Variants in USP2 observed in about 807,000 individuals in gnomAD.
The protein encoded by USP2 is ubiquitin carboxyl-terminal hydrolase 2.
A neutral mutation model predicts 72.0 loss-of-function variants in USP2; 33 were observed. That is an observed-to-expected ratio of 0.46 (90% CI 0.35 to 0.61). USP2 has a LOEUF of 0.61. USP2 is among the 20% of genes least tolerant of loss of function. USP2 has a pLI of 0.01. For synonymous variants in USP2, 296 were observed against 312.5 expected, an observed-to-expected ratio of 0.95 and a Z score of 0.56; for missense variants, 691 against 797.8, an observed-to-expected ratio of 0.87 and a Z score of 1.61.
chr11:119,365,003 T>C (rs963100528), intron 2 of USP2, among the ~76,000 whole-genome samples: 1 of 152,212 alleles, frequency 6.6e-6, no homozygotes, highest in African/African-American at 2.4e-5. Context: ...AGTGTTCTAC[T>C]CTGGCGTCAA....
In USP2 at chr11:119,357,137, G is replaced by C. The variant is rs758125226; in HGVS notation, c.1730+50C>G. 77 of 1,600,102 alleles carry C rather than the reference G, an allele frequency of 4.8e-5. 1 individual carries two copies. The highest frequency in any genetic ancestry group is 5.6e-5 in the Non-Finnish European group (66 of 1,173,510). ...TTGGGGGGAGGGTGGAGGAGTGGGG[G>C]GAGAGTGGGTGGCTACAGCCAGGGG... On this transcript the variant is annotated intron_variant, in intron 12 of 12. Transcript: ENST00000260187.
At position 119,355,225 on chromosome 11, in the gene USP2, A is replaced by G. The variant is rs1309663514; in HGVS notation, c.*1610T>C. On this transcript the variant is annotated 3_prime_UTR_variant, in exon 13 of 13. Coordinates refer to ENST00000260187, the MANE Select transcript of USP2 (RefSeq NM_004205.5). ...CCAACATCTGCCAACTGATTTCTCA[A>G]AGCTATTATTTATTCTGTACAAGGT... 2.0e-5 allele frequency: 3 copies of G among 152,184 alleles called. No individual in the cohort carries two copies. Among genetic ancestry groups the G allele is most frequent in the African/African-American group, 4.8e-5 (2 of 41,432 alleles). 9.4% of individuals were successfully genotyped at this position (152,184 alleles called of 1,614,324 possible).
At chr11:119,356,956 G>A (rs1458644580) in intron 12 of USP2, 34 bp from the exon 13 acceptor site, 1 of 1,547,428 alleles carries the variant, frequency 6.5e-7, no homozygotes, top group Non-Finnish European at 8.7e-7. Flanking sequence ...CCCGGAGCGG[G>A]CAGGACCGGG....
At chr11:119,361,383 CT>C (rs1565306027) in intron 2 of USP2, among the ~76,000 whole-genome samples, 2 of 152,188 alleles carry the variant, frequency 1.3e-5, no homozygotes, top group African/African-American at 4.8e-5. Flanking sequence ...GTCAGAAAAC[CT>C]TCAGGCTCAA....
In USP2 at chr11:119,381,553, G is replaced by C; in HGVS notation, c.-122C>G. 2 of 1,536,020 alleles carry C rather than the reference G, an allele frequency of 1.3e-6. No homozygotes were observed. The highest frequency in any genetic ancestry group is 1.7e-6 in the Non-Finnish European group (2 of 1,146,826). ...GTGAGTCCCGGCTGGCGCTGGCGCG[G>C]CGCAGTGAGCACCAGCTGACGAAGA... is the stretch of plus-strand genomic sequence containing the variant. On this transcript the variant is annotated 5_prime_UTR_variant, in exon 1 of 13. Transcript: ENST00000260187.
chr11:119,369,321 T>TGCTCAG (rs1011028479), intron 2 of USP2, among the ~76,000 whole-genome samples: 2 of 148,686 alleles, frequency 1.3e-5, no homozygotes, highest in African/African-American at 4.9e-5. Flanking sequence ...TCTGTGCTCA[T>TGCTCAG]GCTCAGCTGA....
chr11:119,364,503 C>T (rs1950823942), intron 2 of USP2, among the ~76,000 whole-genome samples: 1 of 152,186 alleles, frequency 6.6e-6, no homozygotes. Context: ...CCGCAGAGGA[C>T]GTCTCCCCAA....
At chr11:119,376,771 C>G (rs1330223107) in intron 1 of USP2, among the ~76,000 whole-genome samples, 1 of 152,268 alleles carries the variant, frequency 6.6e-6, no homozygotes, top group African/African-American at 2.4e-5. Context: ...CTGAACCAGG[C>G]CCCAGGCATG....
Position 119,357,532 on chromosome 11 carries a change from G to A in USP2, c.1560C>T (p.Asn520=). The A allele has an allele frequency of 6.2e-7, 1 of 1,614,192 alleles. No individual in the cohort carries two copies. Among genetic ancestry groups the A allele is most frequent in the South Asian group, 1.1e-5 (1 of 91,090 alleles). Residue 520 remains asparagine, a synonymous_variant, in exon 11 of 13, where the codon AAC becomes AAT. Coordinates refer to ENST00000260187, the MANE Select transcript of USP2 (RefSeq NM_004205.5). ...IRTSKLTTFV[N]FPLRDLDLRE... is the part of the protein sequence containing the mutation. ...TTAAGTCCAGGTCTCTTAGGGGGAAGTTCACAAATGTTGTGAGCTTGCTGG... is the reference window on the plus strand; with the variant it reads ...TTAAGTCCAGGTCTCTTAGGGGGAAATTCACAAATGTTGTGAGCTTGCTGG...
intron 1 of USP2, among the ~76,000 whole-genome samples, chr11:119,375,582 G>A (rs1015400657): frequency 2.6e-5 from 4 of 152,210 alleles, no homozygotes; most frequent in African/African-American, 9.6e-5. Flanking sequence ...CAGGGTCGGG[G>A]TGGGGGCCCA....
intron 2 of USP2, among the ~76,000 whole-genome samples, chr11:119,360,558 G>T (rs1177413627): frequency 6.6e-6 from 1 of 151,938 alleles, no homozygotes; most frequent in Non-Finnish European, 1.5e-5. Flanking sequence ...TGAGTAGCTG[G>T]GACTACAGGT....
intron 1 of USP2, among the ~76,000 whole-genome samples, chr11:119,375,740 G>GCTCTCC (rs1461757211): frequency 1.3e-5 from 2 of 152,154 alleles, no homozygotes; most frequent in Non-Finnish European, 2.9e-5. Flanking sequence ...CCTCCCCACA[G>GCTCTCC]CTCTCCCTCT....
Position 119,357,352 on chromosome 11 carries a change from G to A in USP2, c.1610-45C>T, listed in dbSNP as rs550621045. 19 of 1,456,980 alleles carry A rather than the reference G, an allele frequency of 1.3e-5. No individual in the cohort carries two copies. The South Asian group carries it at 1.4e-4, about 11-fold the overall frequency. 90.3% of individuals were successfully genotyped at this position (1,456,980 alleles called of 1,614,324 possible). On this transcript the variant is annotated intron_variant, in intron 11 of 12. Coordinates refer to ENST00000260187, the MANE Select transcript of USP2 (RefSeq NM_004205.5). The stretch of plus-strand genomic sequence containing the variant: ...CAAGCCCCCGAGGCCCCCCTGCCCC[G>A]ACTTCCCCCCTCCAACCTCTCCTTC...
intron 7 of USP2, 30 bp from the exon 8 acceptor site, chr11:119,358,282 A>T (rs923208063): frequency 6.3e-7 from 1 of 1,599,562 alleles, no homozygotes; most frequent in Non-Finnish European, 8.6e-7. Flanking sequence ...GAGATGCTGA[A>T]ATACAGGAAG....
At position 119,372,742 on chromosome 11, in the gene USP2, G is replaced by C. The variant is rs761624403; in HGVS notation, c.739C>G (p.Pro247Ala). Reference sequence around the variant, plus strand: ...CTTCCCGGGGAGCTGGAGCGGCTGGGCCCAGGGGCCTGACCCTTTCCCGTC... The same window carrying C: ...CTTCCCGGGGAGCTGGAGCGGCTGGCCCCAGGGGCCTGACCCTTTCCCGTC... ...WETGKGQAPG[P>A]SRSSSPGRDG... is the part of the protein sequence containing the mutation. The change falls in exon 2 of 13, where the codon CCC (proline) becomes GCC (alanine). Residue 247 changes from proline to alanine, a missense_variant. By Grantham distance (27) the Pro-to-Ala change is conservative (BLOSUM62 -1). Transcript: ENST00000260187. 2.6e-6 allele frequency: 4 copies of C among 1,533,858 alleles called. No homozygotes were observed. In the African/African-American group the frequency reaches 5.5e-5, roughly 21 times the overall value.
In USP2 at chr11:119,381,512, A is replaced by G; in HGVS notation, c.-81T>C. 1 of 1,536,138 alleles carries G rather than the reference A, an allele frequency of 6.5e-7. No individual in the cohort carries two copies. The highest frequency in any genetic ancestry group is 8.7e-7 in the Non-Finnish European group (1 of 1,146,908). ...AGTATGGACGAGTCGAACCGGGCAC[A>G]AGCATGGAGCTGCGGGTGAGTCCCG... On this transcript the variant is annotated 5_prime_UTR_variant, in exon 1 of 13. Transcript: ENST00000260187.
At position 119,372,771 on chromosome 11, in the gene USP2, C is replaced by T; in HGVS notation, c.710G>A (p.Trp237Ter). The change falls in exon 2 of 13, where the codon TGG becomes TAG. Residue 237 changes from tryptophan (W) to a stop codon, truncating the protein, a stop_gained. Transcript: ENST00000260187. LOFTEE classifies it high-confidence loss of function. ...TYRPIGRYTL[W>*]ETGKGQAPGP... ...AGGGGCCTGACCCTTTCCCGTCTCC[C>T]ACAGCGTGTAGCGGCCAATGGGTCG... is the stretch of plus-strand genomic sequence containing the variant. 6.3e-7 allele frequency: 1 copy of T among 1,576,022 alleles called. No individual in the cohort carries two copies. The highest frequency in any genetic ancestry group is 1.2e-5 in the South Asian group (1 of 83,324).
Position 119,373,259 on chromosome 11 carries a change from A to G in USP2, c.222T>C (p.Tyr74=), listed in dbSNP as rs749862913. The change falls in exon 2 of 13, where the codon TAT becomes TAC. Residue 74 remains tyrosine (Y), a synonymous_variant. Transcript: ENST00000260187. The part of the protein sequence containing the change: ...RTYGPSSLLD[Y]DRGRPLLRPD... ...GTCTCAGCAGGGGGCGGCCCCGGTC[A>G]TAGTCCAGGAGGGAGGAGGGGCCAT... The G allele has an allele frequency of 6.2e-7, 1 of 1,613,888 alleles. No homozygotes were observed. Among genetic ancestry groups the G allele is most frequent in the South Asian group, 1.1e-5 (1 of 91,080 alleles).
chr11:119,378,698 C>T (rs1951029189), intron 1 of USP2, among the ~76,000 whole-genome samples: 1 of 152,176 alleles, frequency 6.6e-6, no homozygotes, highest in African/African-American at 2.4e-5. Flanking sequence ...GGCATCTATA[C>T]ACTTCCAAGA....
Sources: gnomAD v4.1 joint callset for allele counts (sites outside exome capture counted in the v4.1 genomes callset) on GRCh38, gnomAD v4.1.1 for gene constraint, MANE v1.5 for transcripts, NCBI Gene and HGNC (gene_info 2026-07-23, HGNC 2026-07-21) for gene names.